SEMA3C: variants seen among roughly 807,000 people sequenced by gnomAD.
SEMA3C encodes semaphorin 3C, also known as semaphorin-3C.
In SEMA3C, 47 loss-of-function variants were observed where a neutral mutation model predicts 89.4. The observed-to-expected ratio is 0.53, with a 90% CI of 0.42 to 0.67. The LOEUF (loss-of-function observed/expected upper bound fraction) is 0.67. Ranked by LOEUF, SEMA3C falls within the 30% of genes least tolerant of loss-of-function variation. The probability of loss-of-function intolerance (pLI) is 0.00; values close to 1 mark genes in which losing one functional copy is unlikely to be tolerated. For missense variants in SEMA3C, 839 were observed against 929.1 expected (o/e 0.90, Z 1.26); for synonymous variants, 310 against 320.2 (o/e 0.97, Z 0.34).
upstream of SEMA3C, among the ~76,000 whole-genome samples, chr7:80,919,572 TTTTTG>T (rs1438932829): frequency 4.7e-5 from 7 of 149,508 alleles, no homozygotes; most frequent in South Asian, 8.4e-4. Context: ...TTTTTTTTGT[TTTTTG>T]TTTTTTGTTT....
intron 12 of SEMA3C, among the ~76,000 whole-genome samples, chr7:80,779,468 T>C (rs1178913622): frequency 6.6e-6 from 1 of 152,210 alleles, no homozygotes; most frequent in Non-Finnish European, 1.5e-5. Flanking sequence ...AAATCAATTT[T>C]TATCATCAGG....
At chr7:80,907,837 T>G (rs951533995) in intron 2 of SEMA3C, among the ~76,000 whole-genome samples, 1 of 151,996 alleles carries the variant, frequency 6.6e-6, no homozygotes, top group Non-Finnish European at 1.5e-5. Flanking sequence ...TACATCTATC[T>G]ACAAGGGCAG....
At chr7:80,863,981 T>G (rs541311601) in intron 2 of SEMA3C, among the ~76,000 whole-genome samples, 1 of 143,296 alleles carries the variant, frequency 7.0e-6, no homozygotes, top group Non-Finnish European at 1.5e-5. Context: ...ATATCACATA[T>G]ATCACATGTA....
intron 4 of SEMA3C, among the ~76,000 whole-genome samples, chr7:80,822,762 A>C (rs1789784961): frequency 6.6e-6 from 1 of 152,224 alleles, no homozygotes; most frequent in Non-Finnish European, 1.5e-5. Flanking sequence ...TATATTAATA[A>C]AGCAGTAGAA....
chr7:80,799,718 G>A lies in SEMA3C; in HGVS notation c.986+1039C>T, dbSNP rs368594732. 2.0e-5 allele frequency among the ~76,000 whole-genome samples: 3 copies of A among 151,932 alleles called. No individual in the cohort carries two copies. The East Asian group carries it at 5.8e-4, about 29-fold the overall frequency. On this transcript the variant is annotated intron_variant, in intron 10 of 17. Transcript: ENST00000265361. ...TAAATAGAAAAATTAGCTGGGTCTG[G>A]TGGCACATGCCTGTAATCCCAGCTA...
upstream of SEMA3C, chr7:80,919,124 G>C: frequency 2.0e-6 from 2 of 984,728 alleles, no homozygotes; most frequent in Non-Finnish European, 2.4e-6. Flanking sequence ...GCGCGGCTCC[G>C]GCTGCCCCGG....
At chr7:80,890,547 T>C (rs192113535) in intron 2 of SEMA3C, among the ~76,000 whole-genome samples, 24 of 152,294 alleles carry the variant, frequency 1.6e-4, no homozygotes, top group African/African-American at 5.8e-4. Context: ...GCTGAGTTTA[T>C]ATACTTTCTA....
At chr7:80,795,863 T>C (rs1789052121) in intron 11 of SEMA3C, among the ~76,000 whole-genome samples, 1 of 152,174 alleles carries the variant, frequency 6.6e-6, no homozygotes, top group East Asian at 1.9e-4. Context: ...AGTTCCATGA[T>C]GGCTGATTTC....
intron 2 of SEMA3C, among the ~76,000 whole-genome samples, chr7:80,856,559 T>G: frequency 8.7e-6 from 1 of 114,872 alleles, no homozygotes; most frequent in East Asian, 2.6e-4. Flanking sequence ...AAAAAAAAAC[T>G]AGGTTGGAAT....
intron 4 of SEMA3C, among the ~76,000 whole-genome samples, chr7:80,822,483 T>C (rs745913336): frequency 1.3e-5 from 2 of 151,316 alleles, no homozygotes; most frequent in Non-Finnish European, 2.9e-5. Context: ...GACTAGTGCC[T>C]AGAAGGGTTA....
At chr7:80,808,789 TCAGAGA>T (rs1224504664) in intron 6 of SEMA3C, among the ~76,000 whole-genome samples, 1 of 152,180 alleles carries the variant, frequency 6.6e-6, no homozygotes, top group East Asian at 1.9e-4. Context: ...ACATGACAAC[TCAGAGA>T]CAGAGTTTCA....
At position 80,763,168 on chromosome 7, in the gene SEMA3C, G is replaced by C. The variant is rs567872145; in HGVS notation, c.1444-1511C>G. Among the ~76,000 whole-genome samples, 6 of 152,280 alleles carry C rather than the reference G, an allele frequency of 3.9e-5. No homozygotes were observed. The East Asian group carries it at 9.7e-4, about 25-fold the overall frequency. The stretch of plus-strand genomic sequence containing the variant: ...AATGTGGAACAGAGGACTAAAAGAA[G>C]AGATTATGGTCCTGCACTGTATAAA... On this transcript the variant is annotated intron_variant, in intron 13 of 17. Coordinates refer to ENST00000265361, the MANE Select transcript of SEMA3C (RefSeq NM_006379.5).
intron 2 of SEMA3C, among the ~76,000 whole-genome samples, chr7:80,847,971 A>T (rs754051155): frequency 1.8e-4 from 28 of 152,080 alleles, no homozygotes; most frequent in Non-Finnish European, 3.4e-4. Context: ...ACTACCTCTA[A>T]CTCCTACCCC....
At chr7:80,811,926 T>A (rs1387074430) in intron 5 of SEMA3C, among the ~76,000 whole-genome samples, 1 of 152,176 alleles carries the variant, frequency 6.6e-6, no homozygotes, top group Non-Finnish European at 1.5e-5. Context: ...AATTCAGTGG[T>A]TCTAATTTCA....
Position 80,761,604 on chromosome 7 carries a change from CT to C in SEMA3C, c.1485+11del. 8.0e-7 allele frequency: 1 copy of C among 1,248,900 alleles called. No individual in the cohort carries two copies. 77.4% of individuals were successfully genotyped at this position (1,248,900 alleles called of 1,614,324 possible). ...TCAATAAGCAAAGAACATAAAATAGCTTAGTTTTTACCTTTTTAGATGAAAT... is the reference window on the plus strand; with the variant it reads ...TCAATAAGCAAAGAACATAAAATAGCTAGTTTTTACCTTTTTAGATGAAAT... On this transcript the variant is annotated intron_variant, in intron 14 of 17. Transcript: ENST00000265361.
At chr7:80,828,269 A>T (rs1789923029) in intron 3 of SEMA3C, among the ~76,000 whole-genome samples, 1 of 152,120 alleles carries the variant, frequency 6.6e-6, no homozygotes, top group South Asian at 2.1e-4. Context: ...GAGATGACAA[A>T]GTAGATCTTC....
intron 4 of SEMA3C, among the ~76,000 whole-genome samples, chr7:80,818,631 C>CA (rs1789669887): frequency 1.3e-5 from 2 of 151,904 alleles, no homozygotes; most frequent in African/African-American, 4.8e-5. Context: ...CTAACACTAA[C>CA]AATAGCTGAT....
At chr7:80,864,409 AAAGT>A (rs1382036156) in intron 2 of SEMA3C, among the ~76,000 whole-genome samples, 2 of 152,262 alleles carry the variant, frequency 1.3e-5, no homozygotes, top group African/African-American at 2.4e-5. Context: ...AAAATATAAA[AAAGT>A]AAAATAAAGA....
At chr7:80,814,733 T>A in intron 5 of SEMA3C, among the ~76,000 whole-genome samples, 1 of 152,176 alleles carries the variant, frequency 6.6e-6, no homozygotes, top group East Asian at 1.9e-4. Context: ...TTAAAGAGGC[T>A]GAAAATAACA....
Sources: allele counts gnomAD v4.1 joint callset (sites outside exome capture counted in the v4.1 genomes callset), GRCh38; gene constraint gnomAD v4.1.1; transcripts MANE v1.5; gene names NCBI Gene and HGNC (gene_info 2026-07-23, HGNC 2026-07-21).